The following DLG2 variants were observed in gnomAD, a reference collection of about 807,000 sequenced individuals.
DLG2 encodes discs large MAGUK scaffold protein 2, also known as disks large homolog 2.
In DLG2, 45 loss-of-function variants were observed where a neutral mutation model predicts 132.5. The observed-to-expected ratio is 0.34, with a 90% CI of 0.27 to 0.44. The LOEUF is 0.44. Among genes scored for constraint, DLG2 ranks in the 20% least tolerant of loss-of-function variants. The pLI is 1.00. For missense variants in DLG2, 1,045 were observed against 1,196.9 expected, an observed-to-expected ratio of 0.87 and a Z score of 1.87; for synonymous variants, 424 against 419.6, an observed-to-expected ratio of 1.01 and a Z score of -0.13.
chr11:84,701,579 A>T lies in DLG2; in HGVS notation c.358-166848T>A, dbSNP rs557593387. Among the ~76,000 whole-genome samples, 10 of 151,648 alleles carry T rather than the reference A, an allele frequency of 6.6e-5. No homozygotes were observed. The South Asian group carries it at 2.1e-3, about 32-fold the overall frequency. ...TACTCTCTCAGACTTCCAAAATGTT[A>T]CAATTGAAAGGGAATTTGGAAGTGT... On this transcript the variant is annotated intron_variant, in intron 6 of 27. Coordinates refer to ENST00000376104, the MANE Select transcript of DLG2 (RefSeq NM_001142699.3).
intron 7 of DLG2, among the ~76,000 whole-genome samples, chr11:84,269,634 C>T (rs1319626062): frequency 6.6e-6 from 1 of 152,186 alleles, no homozygotes; most frequent in African/African-American, 2.4e-5. Context: ...TCTCCCAATG[C>T]TTAATAAGCC....
chr11:84,987,188 G>T lies in DLG2; in HGVS notation c.357+124473C>A, dbSNP rs574214331. On this transcript the variant is annotated intron_variant, in intron 6 of 27. Transcript: ENST00000376104. ...TAGCTGCGAAAAATTAAAATACTTA[G>T]GAATATACCTAACCAAGGAGGTGAA... 5.3e-5 allele frequency among the ~76,000 whole-genome samples: 8 copies of T among 152,044 alleles called. No individual in the cohort carries two copies. The South Asian group carries it at 1.7e-3, about 32-fold the overall frequency.
At chr11:85,023,686 G>A (rs919003038) in intron 6 of DLG2, among the ~76,000 whole-genome samples, 7 of 151,934 alleles carry the variant, frequency 4.6e-5, no homozygotes, top group African/African-American at 7.2e-5. Context: ...ATATATCTAT[G>A]TACTATATCT....
At chr11:84,574,264 A>G (rs1002354679) in intron 6 of DLG2, among the ~76,000 whole-genome samples, 13 of 152,132 alleles carry the variant, frequency 8.5e-5, no homozygotes, top group African/African-American at 3.1e-4. Context: ...TCTTACTGTT[A>G]CAGAGTTTAT....
chr11:84,502,514 G>C (rs780737297), intron 7 of DLG2, among the ~76,000 whole-genome samples: 1 of 150,214 alleles, frequency 6.7e-6, no homozygotes, highest in Non-Finnish European at 1.5e-5. Flanking sequence ...TCGTTATTCA[G>C]CTTCCCAAGT....
intron 7 of DLG2, among the ~76,000 whole-genome samples, chr11:84,488,983 A>G (rs1388876194): frequency 2.0e-5 from 3 of 152,198 alleles, no homozygotes; most frequent in Non-Finnish European, 2.9e-5. Context: ...ACTCACCACA[A>G]CTGCTCAAGT....
intron 3 of DLG2, among the ~76,000 whole-genome samples, chr11:85,519,093 AG>A (rs1371289043): frequency 6.6e-6 from 1 of 152,156 alleles, no homozygotes; most frequent in Non-Finnish European, 1.5e-5. Flanking sequence ...AACCTCCACT[AG>A]GGCAGTGCAG....
intron 6 of DLG2, among the ~76,000 whole-genome samples, chr11:85,090,170 T>C (rs1387205309): frequency 2.0e-5 from 3 of 152,184 alleles, no homozygotes. Context: ...GATGATGTGA[T>C]GGAGACTGCC....
chr11:83,746,006 G>A (rs2092882517), intron 18 of DLG2, among the ~76,000 whole-genome samples: 1 of 152,146 alleles, frequency 6.6e-6, no homozygotes, highest in Non-Finnish European at 1.5e-5. Context: ...TCAGAGAAAT[G>A]CAAATCAAAA....
At chr11:85,529,306 AC>A (rs2075025417) in intron 3 of DLG2, among the ~76,000 whole-genome samples, 1 of 152,098 alleles carries the variant, frequency 6.6e-6, no homozygotes, top group Non-Finnish European at 1.5e-5. Flanking sequence ...CAAAAAATAA[AC>A]CTTTGGTCTT....
intron 3 of DLG2, among the ~76,000 whole-genome samples, chr11:85,565,368 G>A (rs1954757): frequency 0.15 from 23,263 of 151,914 alleles, 2,182 homozygotes; most frequent in East Asian, 0.29. Flanking sequence ...CACATAAAAT[G>A]AAATTCATCA....
intron 6 of DLG2, among the ~76,000 whole-genome samples, chr11:84,611,024 T>TACACATACACACAC (rs1555094075): frequency 2.9e-5 from 4 of 138,116 alleles, no homozygotes; most frequent in Non-Finnish European, 4.7e-5. Flanking sequence ...TTAGATGACA[T>TACACATACACACAC]ACACACACAC....
chr11:85,502,445 T>A (rs1370580392), intron 3 of DLG2, among the ~76,000 whole-genome samples: 3 of 151,118 alleles, frequency 2.0e-5, no homozygotes, highest in Admixed American at 6.6e-5. Context: ...ATGTGGCACA[T>A]ATATACCATG....
intron 18 of DLG2, among the ~76,000 whole-genome samples, chr11:83,761,680 T>C (rs1274987406): frequency 1.3e-5 from 2 of 152,134 alleles, no homozygotes; most frequent in East Asian, 1.9e-4. Flanking sequence ...AATGGCTACA[T>C]AGACATCTCT....
intron 10 of DLG2, among the ~76,000 whole-genome samples, chr11:84,083,247 T>C (rs527394885): frequency 6.6e-6 from 1 of 152,208 alleles, no homozygotes; most frequent in South Asian, 2.1e-4. Context: ...GCCACTGCAC[T>C]CCAGCCTGGG....
At chr11:85,200,954 GCAGTTGGGAAACTAAC>G (rs1245123432) in intron 4 of DLG2, among the ~76,000 whole-genome samples, 2 of 152,128 alleles carry the variant, frequency 1.3e-5, no homozygotes, top group East Asian at 3.9e-4. Context: ...TCCTTCTGCT[GCAGTTGGGAAACTAAC>G]CTGCTGGGAG....
At chr11:85,509,627 T>C (rs1314178013) in intron 3 of DLG2, among the ~76,000 whole-genome samples, 2 of 152,100 alleles carry the variant, frequency 1.3e-5, no homozygotes, top group Non-Finnish European at 2.9e-5. Flanking sequence ...CTCCGATGTA[T>C]CTAAAATGCA....
chr11:85,013,322 A>G (rs895790220), intron 6 of DLG2, among the ~76,000 whole-genome samples: 1 of 152,276 alleles, frequency 6.6e-6, no homozygotes, highest in East Asian at 1.9e-4. Flanking sequence ...TTCCTGAACC[A>G]TGTATCTTTG....
chr11:85,464,060 T>C (rs1261036487), intron 3 of DLG2, among the ~76,000 whole-genome samples: 1 of 132,620 alleles, frequency 7.5e-6, no homozygotes, highest in African/African-American at 3.0e-5. Context: ...GGGAGAAGGG[T>C]AGGTTGTATC....
Sources: gnomAD v4.1 joint callset for allele counts (sites outside exome capture counted in the v4.1 genomes callset) on GRCh38, gnomAD v4.1.1 for gene constraint, MANE v1.5 for transcripts, NCBI Gene and HGNC (gene_info 2026-07-23, HGNC 2026-07-21) for gene names.